Variants in GLG1 observed in about 807,000 individuals in gnomAD.
GLG1 encodes golgi glycoprotein 1.
Under a neutral mutation model 160.5 loss-of-function variants are expected in GLG1, and 38 were observed. The observed-to-expected ratio is 0.24, with a 90% CI of 0.18 to 0.31. GLG1 has a LOEUF of 0.31. Among genes scored for constraint, GLG1 ranks in the 10% least tolerant of loss-of-function variants. GLG1 has a pLI of 1.00. For synonymous variants in GLG1, 644 were observed against 543.4 expected (o/e 1.19, Z -2.57); for missense variants, 1,373 against 1,505.2 (o/e 0.91, Z 1.45).
chr16:74,492,887 A>G, intron 7 of GLG1, 70 bp downstream of exon 7: 1 of 876,208 alleles, frequency 1.1e-6, no homozygotes, highest in Non-Finnish European at 1.7e-6. Context: ...ACGTTTATAT[A>G]TATAAAGCTT....
Position 74,470,014 on chromosome 16 carries a change from C to T in GLG1, c.2289G>A (p.Val763=), listed in dbSNP as rs150370953. The part of the protein sequence containing the change: ...YKFKMACKED[V]LKLCPNIKKK... ...TTTTTATGTTTGGGCAAAGCTTCAA[C>T]ACGTCCTCCTTGCAGGCCATTTTAA... The change falls in exon 16 of 26, where the codon GTG becomes GTA. Residue 763 remains valine, a synonymous_variant. Transcript: ENST00000422840. The T allele has an allele frequency of 2.6e-5, 42 of 1,607,730 alleles. No homozygotes were observed. The Middle Eastern group carries it at 5.0e-4, about 19-fold the overall frequency.
At chr16:74,479,993 T>TA (rs371660678) in intron 11 of GLG1, among the ~76,000 whole-genome samples, 17,049 of 148,330 alleles carry the variant, frequency 0.11, 1,270 homozygotes, top group Non-Finnish European at 0.17. Context: ...TTTTGGGAAT[T>TA]AAAAAAAAAA....
At chr16:74,596,909 GA>G (rs1958317237) in intron 1 of GLG1, among the ~76,000 whole-genome samples, 1 of 152,254 alleles carries the variant, frequency 6.6e-6, no homozygotes, top group Admixed American at 6.5e-5. Context: ...TTGAACTCAG[GA>G]GTTGGAGACC....
rs202080402 is a variant in GLG1, at chr16:74,477,450, A to C, written c.1911T>G (p.Asp637Glu). 2.5e-6 allele frequency: 4 copies of C among 1,612,690 alleles called. No individual in the cohort carries two copies. The highest frequency in any genetic ancestry group is 1.3e-5 in the African/African-American group (1 of 74,886). ...ATTTTCCCAGATCAATCAGGCACTT[A>C]TCCTGGAGGGCAGGATCCAGCTTGA... The part of the protein sequence containing the change: ...MDVKLDPALQ[D>E]KCLIDLGKWC... The change falls in exon 12 of 26, where the codon GAT (aspartate) becomes GAG (glutamate). Residue 637 changes from aspartate (D) to glutamate (E), a missense_variant. Around this residue, in one of 4 missense-constraint regions of GLG1, gnomAD observed 386 missense variants for 388.5 expected, o/e 0.99. Transcript: ENST00000422840.
intron 9 of GLG1, among the ~76,000 whole-genome samples, chr16:74,483,719 C>T (rs868243702): frequency 1.1e-4 from 17 of 150,504 alleles, no homozygotes; most frequent in Middle Eastern, 3.2e-3. Flanking sequence ...AGTGCAGTGG[C>T]GCAACCTTGG....
chr16:74,448,154 C>G lies in GLG1; in HGVS notation c.*5013G>C, dbSNP rs895878965. ...TGGGGAGCTCTTCACCCTAAAGATTCGGTCTGGTTTGCTAATGACTTATCT... is the reference window on the plus strand; with the variant it reads ...TGGGGAGCTCTTCACCCTAAAGATTGGGTCTGGTTTGCTAATGACTTATCT... On this transcript the variant is annotated 3_prime_UTR_variant, in exon 26 of 26. Coordinates refer to ENST00000422840, the MANE Select transcript of GLG1 (RefSeq NM_001145667.2). 5 of 152,200 alleles carry G rather than the reference C, an allele frequency of 3.3e-5. No homozygotes were observed. The highest frequency in any genetic ancestry group is 1.2e-4 in the African/African-American group (5 of 41,438). 9.4% of individuals were successfully genotyped at this position (152,200 alleles called of 1,614,324 possible).
intron 1 of GLG1, among the ~76,000 whole-genome samples, chr16:74,592,143 CT>C: frequency 6.6e-6 from 1 of 152,180 alleles, no homozygotes; most frequent in South Asian, 2.1e-4. Context: ...AATTTATTCA[CT>C]GATTGATTGA....
intron 2 of GLG1, among the ~76,000 whole-genome samples, chr16:74,512,303 C>A (rs953354973): frequency 6.6e-6 from 1 of 151,302 alleles, no homozygotes; most frequent in Non-Finnish European, 1.5e-5. Flanking sequence ...TTTGCCCAGG[C>A]TAGAAGTACA....
intron 2 of GLG1, among the ~76,000 whole-genome samples, chr16:74,523,143 G>T (rs2017222957): frequency 6.6e-6 from 1 of 152,192 alleles, no homozygotes; most frequent in Admixed American, 6.5e-5. Context: ...TACTTTAAAA[G>T]AGGCACACAA....
At chr16:74,532,193 AATAT>A (rs60422817) in intron 1 of GLG1, 40 bp from the exon 2 acceptor site, 6,931 of 315,398 alleles carry the variant, frequency 0.022, 15 homozygotes, top group South Asian at 0.064. Context: ...TAAAAAAAAA[AATAT>A]ATATATATAT....
chr16:74,510,125 A>G (rs908185402), intron 2 of GLG1, among the ~76,000 whole-genome samples: 1 of 149,862 alleles, frequency 6.7e-6, no homozygotes, highest in African/African-American at 2.5e-5. Context: ...TCTGCCTCCC[A>G]GGTTCAAGCA....
intron 25 of GLG1, among the ~76,000 whole-genome samples, chr16:74,455,482 C>A (rs910744208): frequency 6.6e-6 from 1 of 152,196 alleles, no homozygotes; most frequent in Non-Finnish European, 1.5e-5. Context: ...CCTGCTGCCG[C>A]TTCCCTGAGC....
intron 1 of GLG1, among the ~76,000 whole-genome samples, chr16:74,570,095 A>G (rs1659731230): frequency 6.6e-6 from 1 of 152,080 alleles, no homozygotes; most frequent in South Asian, 2.1e-4. Flanking sequence ...TGAAAAGACA[A>G]ATGGTTTTTG....
At chr16:74,506,174 T>A (rs886653135) in intron 3 of GLG1, among the ~76,000 whole-genome samples, 1 of 146,862 alleles carries the variant, frequency 6.8e-6, no homozygotes, top group Non-Finnish European at 1.5e-5. Flanking sequence ...GCACTTGTAA[T>A]TCAACCACAG....
At chr16:74,491,622 G>A (rs1439716242) in intron 7 of GLG1, among the ~76,000 whole-genome samples, 9 of 150,284 alleles carry the variant, frequency 6.0e-5, no homozygotes, top group Non-Finnish European at 1.2e-4. Flanking sequence ...AGCTGTAAAT[G>A]CCAATGGGGA....
chr16:74,558,109 A>G (rs2018402772), intron 1 of GLG1, among the ~76,000 whole-genome samples: 1 of 152,112 alleles, frequency 6.6e-6, no homozygotes, highest in Non-Finnish European at 1.5e-5. Flanking sequence ...TCACAGTCTG[A>G]TTTTCATATA....
intron 22 of GLG1, among the ~76,000 whole-genome samples, chr16:74,460,202 G>C (rs2014733752): frequency 6.6e-6 from 1 of 152,136 alleles, no homozygotes; most frequent in Admixed American, 6.6e-5. Flanking sequence ...TGTACTTTTA[G>C]TAGAGACAGA....
chr16:74,546,436 C>T lies in GLG1; in HGVS notation c.439-14283G>A, dbSNP rs1414916872. ...CTGCAGCCTGGGTCACAAAGTAAGACTCTGTCTTAACAAATTAATTAATTA... is the reference window on the plus strand; with the variant it reads ...CTGCAGCCTGGGTCACAAAGTAAGATTCTGTCTTAACAAATTAATTAATTA... On this transcript the variant is annotated intron_variant, in intron 1 of 25. Coordinates refer to ENST00000422840, the MANE Select transcript of GLG1 (RefSeq NM_001145667.2). 2.0e-5 allele frequency among the ~76,000 whole-genome samples: 3 copies of T among 152,098 alleles called. No homozygotes were observed. The East Asian group carries it at 5.8e-4, about 29-fold the overall frequency.
chr16:74,562,596 A>G (rs557128488), intron 1 of GLG1, among the ~76,000 whole-genome samples: 19 of 152,262 alleles, frequency 1.2e-4, no homozygotes, highest in Non-Finnish European at 2.2e-4. Context: ...AGCAGCTGGG[A>G]TTACAGGCAT....
Sources: allele counts gnomAD v4.1 joint callset (sites outside exome capture counted in the v4.1 genomes callset), GRCh38; gene constraint gnomAD v4.1.1; regional missense constraint gnomAD v4.1.1; transcripts MANE v1.5; gene names NCBI Gene and HGNC (gene_info 2026-07-23, HGNC 2026-07-21).